Variants in NBAS observed in about 807,000 individuals in gnomAD.
NBAS encodes NAG/BC035112 fusion.
Under a neutral mutation model 302.5 loss-of-function variants are expected in NBAS, and 219 were observed. That is an observed-to-expected ratio of 0.72 (90% CI 0.65 to 0.81). NBAS has a LOEUF of 0.81. Among genes scored for constraint, NBAS ranks in the 30% least tolerant of loss-of-function variants. The pLI is 0.00. For synonymous variants in NBAS, 1,118 were observed against 1,021.6 expected (o/e 1.09, Z -1.80); for missense variants, 2,932 against 2,841.6 (o/e 1.03, Z -0.72).
chr2:14,855,297 C>G, the NBAS span, among the ~76,000 whole-genome samples: 1 of 152,124 alleles, frequency 6.6e-6, no homozygotes, highest in South Asian at 2.1e-4. Context: ...AAGGCCCTAG[C>G]TCTGAGACTT....
At chr2:15,271,507 ATACC>A (rs1437960163) in intron 44 of NBAS, among the ~76,000 whole-genome samples, 14 of 152,278 alleles carry the variant, frequency 9.2e-5, no homozygotes, top group African/African-American at 3.1e-4. Context: ...GAGTGGGTAA[ATACC>A]TATCTAATTC....
the NBAS span, among the ~76,000 whole-genome samples, chr2:15,034,908 T>C: frequency 3.3e-5 from 5 of 152,058 alleles, no homozygotes; most frequent in Non-Finnish European, 7.4e-5. Flanking sequence ...AAACACTTCG[T>C]TGGGGGGTAG....
At chr2:15,241,435 A>T (rs984824209) in intron 44 of NBAS, among the ~76,000 whole-genome samples, 4 of 152,184 alleles carry the variant, frequency 2.6e-5, no homozygotes, top group Non-Finnish European at 4.4e-5. Context: ...TTGTTGTCCA[A>T]GTCTTGACTC....
At chr2:14,849,593 C>A in the NBAS span, among the ~76,000 whole-genome samples, 6 of 147,824 alleles carry the variant, frequency 4.1e-5, no homozygotes, top group African/African-American at 1.3e-4. Flanking sequence ...CACAAAGATA[C>A]TCCTCGAGAA....
At chr2:14,965,285 C>T in the NBAS span, among the ~76,000 whole-genome samples, 2 of 151,996 alleles carry the variant, frequency 1.3e-5, no homozygotes, top group Non-Finnish European at 2.9e-5. Context: ...TTGAGACCCC[C>T]CCTACCCAGA....
chr2:15,397,478 CA>C, intron 26 of NBAS: 1 of 522,484 alleles, frequency 1.9e-6, no homozygotes, highest in Non-Finnish European at 3.5e-6. Flanking sequence ...ACCCGCAGGT[CA>C]AAATTGGCGT....
the NBAS span, among the ~76,000 whole-genome samples, chr2:15,145,816 G>C: frequency 6.6e-6 from 1 of 152,076 alleles, no homozygotes; most frequent in African/African-American, 2.4e-5. Flanking sequence ...CAGAAATTCT[G>C]GGGTGGGGGG....
chr2:15,510,569 T>G (rs918102848), intron 10 of NBAS, among the ~76,000 whole-genome samples: 1 of 152,232 alleles, frequency 6.6e-6, no homozygotes, highest in African/African-American at 2.4e-5. Flanking sequence ...ATTTCAGGAC[T>G]TTGCATTTGC....
In NBAS at chr2:15,243,821, A is replaced by G. The variant is rs148444783; in HGVS notation, c.5725-5135T>C. Among the ~76,000 whole-genome samples, 280 of 152,272 alleles carry G rather than the reference A, an allele frequency of 1.8e-3. 2 individuals carry two copies. The highest frequency in any genetic ancestry group is 6.3e-3 in the African/African-American group (261 of 41,552). ...GAAATTCAGGGCCATACTGGGTTAA[A>G]AAACAAACAAAAACAAAAACCAACT... On this transcript the variant is annotated intron_variant, in intron 44 of 51. Coordinates refer to ENST00000281513, the MANE Select transcript of NBAS (RefSeq NM_015909.4).
intron 10 of NBAS, among the ~76,000 whole-genome samples, chr2:15,505,350 C>G (rs1661794289): frequency 6.6e-6 from 1 of 152,134 alleles, no homozygotes; most frequent in Non-Finnish European, 1.5e-5. Flanking sequence ...CCAGGTTAAT[C>G]AGACATGGCC....
intron 12 of NBAS, among the ~76,000 whole-genome samples, chr2:15,479,270 T>C (rs1159499343): frequency 6.6e-6 from 1 of 152,158 alleles, no homozygotes; most frequent in Non-Finnish European, 1.5e-5. Context: ...AAATGGAGTG[T>C]CCTGGTTTAC....
chr2:15,407,731 G>A (rs1053556922), intron 25 of NBAS, among the ~76,000 whole-genome samples: 1 of 152,122 alleles, frequency 6.6e-6, no homozygotes, highest in Non-Finnish European at 1.5e-5. Context: ...GTAGTTTTCT[G>A]TATTTATGCC....
rs575733709 is a variant in NBAS, at chr2:15,256,129, T to C, written c.5725-17443A>G. Among the ~76,000 whole-genome samples, 8 of 152,304 alleles carry C rather than the reference T, an allele frequency of 5.3e-5. No homozygotes were observed. In the South Asian group the frequency reaches 1.7e-3, roughly 32 times the overall value. ...TTTGGTGGGAATTGTATTAAATTTA[T>C]AGACTGCTTTTGGCAATATGGTCAT... On this transcript the variant is annotated intron_variant, in intron 44 of 51. Coordinates refer to ENST00000281513, the MANE Select transcript of NBAS (RefSeq NM_015909.4).
chr2:15,154,315 G>T, the NBAS span, among the ~76,000 whole-genome samples: 2 of 152,312 alleles, frequency 1.3e-5, no homozygotes, highest in East Asian at 3.9e-4. Flanking sequence ...CTTGGAGCAA[G>T]GTTGCTGAGG....
chr2:15,513,608 T>A (rs1335015206), intron 9 of NBAS, among the ~76,000 whole-genome samples: 5 of 150,004 alleles, frequency 3.3e-5, no homozygotes, highest in African/African-American at 1.2e-4. Context: ...TGGCCTGGGT[T>A]TTTTTTTTTT....
chr2:15,022,757 C>T, the NBAS span, among the ~76,000 whole-genome samples: 1 of 152,148 alleles, frequency 6.6e-6, no homozygotes, highest in African/African-American at 2.4e-5. Context: ...CTTGTAACTG[C>T]CTGTCCTGCT....
the NBAS span, among the ~76,000 whole-genome samples, chr2:15,007,727 C>T: frequency 6.6e-6 from 1 of 152,172 alleles, no homozygotes. Flanking sequence ...AGATATCAAG[C>T]ATGGCTCTCA....
At chr2:15,443,716 CCT>C (rs1240202057) in intron 21 of NBAS, among the ~76,000 whole-genome samples, 1 of 150,718 alleles carries the variant, frequency 6.6e-6, no homozygotes, top group Admixed American at 6.6e-5. Flanking sequence ...TCAAATTGTC[CCT>C]GTTTGCAGAC....
chr2:15,538,344 CA>C (rs781278471), intron 7 of NBAS: 9 of 487,624 alleles, frequency 1.8e-5, no homozygotes, highest in Non-Finnish European at 2.9e-5. Context: ...ATGAGCACAA[CA>C]CACGTTTTTA....
Sources: gnomAD v4.1 joint callset for allele counts (sites outside exome capture counted in the v4.1 genomes callset) on GRCh38, gnomAD v4.1.1 for gene constraint, MANE v1.5 for transcripts, NCBI Gene and HGNC (gene_info 2026-07-23, HGNC 2026-07-21) for gene names.